The following CFAP161 variants were observed in gnomAD, a reference collection of about 807,000 sequenced individuals.
CFAP161 encodes the protein cilia and flagella associated protein 161.
Under a neutral mutation model 29.0 loss-of-function variants are expected in CFAP161, and 25 were observed. The ratio of observed to expected loss-of-function variants is 0.86; its 90% confidence interval spans 0.63 to 1.20. The LOEUF (loss-of-function observed/expected upper bound fraction) is 1.20. Ranked by LOEUF, CFAP161 falls within the 50% of genes most tolerant of loss-of-function variation. The pLI is 0.00. For synonymous variants in CFAP161, 116 were observed against 137.4 expected (o/e 0.84, Z 1.09); for missense variants, 367 against 371.9 (o/e 0.99, Z 0.11).
intron 5 of CFAP161, among the ~76,000 whole-genome samples, chr15:81,144,848 G>C (rs947651178): frequency 6.6e-6 from 1 of 151,944 alleles, no homozygotes; most frequent in Non-Finnish European, 1.5e-5. Context: ...GAGACAGCAG[G>C]GTAGCCACAT....
intron 5 of CFAP161, among the ~76,000 whole-genome samples, chr15:81,146,589 T>C (rs1359666928): frequency 6.6e-6 from 1 of 151,842 alleles, no homozygotes; most frequent in Non-Finnish European, 1.5e-5. Context: ...TCTAAATTTT[T>C]CTGTGTCTGT....
At chr15:81,136,175 T>C (rs1894805924) in intron 2 of CFAP161, among the ~76,000 whole-genome samples, 1 of 152,258 alleles carries the variant, frequency 6.6e-6, no homozygotes, top group African/African-American at 2.4e-5. Context: ...CTAAATCATG[T>C]TTACCTGCAT....
intron 5 of CFAP161, among the ~76,000 whole-genome samples, chr15:81,145,001 C>T (rs1595920721): frequency 6.6e-6 from 1 of 152,132 alleles, no homozygotes; most frequent in African/African-American, 2.4e-5. Context: ...CAGAGTAGGC[C>T]TCCCTATTTC....
intron 4 of CFAP161, among the ~76,000 whole-genome samples, chr15:81,138,343 C>T (rs1894848120): frequency 6.6e-6 from 1 of 152,202 alleles, no homozygotes; most frequent in Non-Finnish European, 1.5e-5. Flanking sequence ...AAAACTACAC[C>T]CTTAAAACCT....
At position 81,148,438 on chromosome 15, in the gene CFAP161, C is replaced by T. The variant is rs1339414309; in HGVS notation, c.811C>T (p.Pro271Ser). 1 of 1,614,192 alleles carries T rather than the reference C, an allele frequency of 6.2e-7. No individual in the cohort carries two copies. The highest frequency in any genetic ancestry group is 1.7e-5 in the Admixed American group (1 of 60,026). ...RNHWMLVTGNPRDASSSMLDL... is the reference protein window; with the variant it reads ...RNHWMLVTGNSRDASSSMLDL... ...CCACTGGATGTTGGTTACTGGGAAT[C>T]CCAGGGATGCCTCGTCCTCCATGTT... The change falls in exon 7 of 7, where the codon CCC becomes TCC. Residue 271 changes from proline to serine, a missense_variant. Coordinates refer to ENST00000286732, the MANE Select transcript of CFAP161 (RefSeq NM_173528.4).
At chr15:81,119,639 A>AT (rs1214271215) in intron 1 of CFAP161, among the ~76,000 whole-genome samples, 1 of 152,186 alleles carries the variant, frequency 6.6e-6, no homozygotes, top group East Asian at 1.9e-4. Flanking sequence ...TGAGAGAGAC[A>AT]TTTTTTGGGG....
chr15:81,136,759 T>TGAAAA lies in CFAP161; in HGVS notation c.392+11_392+12insGAAAA, dbSNP rs778415768. ...TTTTATCATTTTGAGGTAAAGAGAC[T>TGAAAA]TTAATTTTCAGTTCATTTTCATCAT... On this transcript the variant is annotated intron_variant, in intron 3 of 6. Transcript: ENST00000286732. The TGAAAA allele has an allele frequency of 1.3e-6, 2 of 1,594,828 alleles. No homozygotes were observed. The highest frequency in any genetic ancestry group is 2.7e-5 in the African/African-American group (2 of 74,372).
chr15:81,121,068 T>C (rs774395522), intron 1 of CFAP161, among the ~76,000 whole-genome samples: 11 of 152,354 alleles, frequency 7.2e-5, no homozygotes, highest in Admixed American at 2.6e-4. Context: ...GTTCAATCTT[T>C]AGAAAAACTT....
intron 2 of CFAP161, among the ~76,000 whole-genome samples, chr15:81,128,956 G>GAA (rs144456995): frequency 2.2e-5 from 3 of 137,634 alleles, no homozygotes; most frequent in Non-Finnish European, 3.1e-5. Flanking sequence ...TCTGTCTCGA[G>GAA]AAAAAAAAAA....
upstream of CFAP161, among the ~76,000 whole-genome samples, chr15:81,133,179 A>G (rs1363580174): frequency 9.4e-5 from 1 of 10,634 alleles, no homozygotes; most frequent in African/African-American, 3.6e-4. Context: ...TCATCAGCAT[A>G]TATATATATA....
chr15:81,109,793 T>A (rs11853841), intron 1 of CFAP161, among the ~76,000 whole-genome samples: 1 of 152,170 alleles, frequency 6.6e-6, no homozygotes, highest in Non-Finnish European at 1.5e-5. Context: ...AATCAGGGCA[T>A]AAAGAAGATA....
At chr15:81,110,768 C>T (rs1231266981) in intron 1 of CFAP161, among the ~76,000 whole-genome samples, 1 of 152,210 alleles carries the variant, frequency 6.6e-6, no homozygotes, top group Non-Finnish European at 1.5e-5. Flanking sequence ...ACCAGATGAT[C>T]AAGGGCACTA....
intron 4 of CFAP161, 70 bp downstream of exon 4, chr15:81,138,205 C>A: frequency 8.0e-7 from 1 of 1,248,152 alleles, no homozygotes; most frequent in Non-Finnish European, 1.2e-6. Flanking sequence ...TCATAACTAT[C>A]TACTGAAGTG....
intron 4 of CFAP161, among the ~76,000 whole-genome samples, chr15:81,139,163 G>A (rs1231254265): frequency 6.6e-6 from 1 of 152,004 alleles, no homozygotes; most frequent in Non-Finnish European, 1.5e-5. Context: ...AAATTGGCCA[G>A]GTATGGTGAC....
At chr15:81,115,017 G>A (rs56084633) in intron 1 of CFAP161, among the ~76,000 whole-genome samples, 25,010 of 152,094 alleles carry the variant, frequency 0.16, 2,775 homozygotes, top group African/African-American at 0.31. Flanking sequence ...TAAAAAGATC[G>A]ATAACAAGGG....
chr15:81,110,060 G>T (rs1348165534), intron 1 of CFAP161, among the ~76,000 whole-genome samples: 1 of 151,952 alleles, frequency 6.6e-6, no homozygotes, highest in Non-Finnish European at 1.5e-5. Flanking sequence ...GCAAACTGAT[G>T]TCTTATCCTT....
At chr15:81,133,198 TA>T (rs1567156282), upstream of CFAP161, among the ~76,000 whole-genome samples, 14 of 55,550 alleles carry the variant, frequency 2.5e-4, 1 homozygote, top group African/African-American at 8.7e-4. Context: ...TATATATATA[TA>T]TATATATATA....
chr15:81,144,096 G>A (rs188288158), intron 5 of CFAP161, among the ~76,000 whole-genome samples: 279 of 152,124 alleles, frequency 1.8e-3, no homozygotes, highest in Admixed American at 3.5e-3. Context: ...CACAAGTTTG[G>A]GAGGTACTAA....
At chr15:81,142,996 C>T (rs1894938405) in intron 4 of CFAP161, among the ~76,000 whole-genome samples, 1 of 152,158 alleles carries the variant, frequency 6.6e-6, no homozygotes, top group Non-Finnish European at 1.5e-5. Context: ...GAGTTTAATG[C>T]AACATCATTT....
Sources: allele counts gnomAD v4.1 joint callset (sites outside exome capture counted in the v4.1 genomes callset), GRCh38; gene constraint gnomAD v4.1.1; transcripts MANE v1.5; gene names NCBI Gene and HGNC (gene_info 2026-07-23, HGNC 2026-07-21).